Variants in KCND3 observed in about 807,000 individuals in gnomAD.
KCND3 encodes A-type voltage-gated potassium channel KCND3.
Under a neutral mutation model 51.1 loss-of-function variants are expected in KCND3, and 9 were observed. The observed-to-expected ratio is 0.18, with a 90% CI of 0.11 to 0.31. KCND3 has a LOEUF of 0.31. Among genes scored for constraint, KCND3 ranks in the 10% least tolerant of loss-of-function variants. The pLI, the probability that KCND3 is intolerant of heterozygous loss-of-function variation, is 1.00. For missense variants in KCND3, 526 were observed against 903.8 expected (o/e 0.58, Z 5.36); for synonymous variants, 349 against 368.0 (o/e 0.95, Z 0.59).
chr1:111,975,303 C>A (rs1009101719), intron 2 of KCND3, among the ~76,000 whole-genome samples: 1 of 152,278 alleles, frequency 6.6e-6, no homozygotes, highest in Admixed American at 6.5e-5. Context: ...AGCCATCCTG[C>A]GAGGCCTTGA....
chr1:111,800,732 GC>G (rs982872768), intron 2 of KCND3, among the ~76,000 whole-genome samples: 3 of 152,184 alleles, frequency 2.0e-5, no homozygotes, highest in African/African-American at 4.8e-5. Context: ...GAAGCCACTT[GC>G]CCCCTGCCTA....
At chr1:111,898,192 G>A (rs973629713) in intron 2 of KCND3, among the ~76,000 whole-genome samples, 2 of 151,988 alleles carry the variant, frequency 1.3e-5, no homozygotes, top group Admixed American at 1.3e-4. Flanking sequence ...CACCTGGAAT[G>A]CTTAGAGAGT....
At chr1:111,790,408 C>G (rs1201346418) in intron 2 of KCND3, among the ~76,000 whole-genome samples, 3 of 152,188 alleles carry the variant, frequency 2.0e-5, no homozygotes, top group Non-Finnish European at 4.4e-5. Context: ...CCAATAGGAA[C>G]TGTGTCCCTC....
chr1:111,815,704 T>C (rs772948303), intron 2 of KCND3, among the ~76,000 whole-genome samples: 1 of 151,962 alleles, frequency 6.6e-6, no homozygotes, highest in Non-Finnish European at 1.5e-5. Flanking sequence ...CCCAGTTCTA[T>C]ATTGAAGTCT....
chr1:111,821,482 T>C (rs1666345692), intron 2 of KCND3, among the ~76,000 whole-genome samples: 1 of 152,164 alleles, frequency 6.6e-6, no homozygotes, highest in African/African-American at 2.4e-5. Context: ...GCTGGGTCTA[T>C]GGTGGTGCTG....
At chr1:111,887,280 T>C (rs776177342) in intron 2 of KCND3, among the ~76,000 whole-genome samples, 1 of 152,172 alleles carries the variant, frequency 6.6e-6, no homozygotes, top group Non-Finnish European at 1.5e-5. Context: ...ACATATCTCA[T>C]TTAAGTAATC....
chr1:111,896,530 A>C (rs1011020096), intron 2 of KCND3, among the ~76,000 whole-genome samples: 1 of 152,230 alleles, frequency 6.6e-6, no homozygotes, highest in Non-Finnish European at 1.5e-5. Flanking sequence ...TGGACCCAAC[A>C]GAACTGGGCT....
intron 2 of KCND3, among the ~76,000 whole-genome samples, chr1:111,921,291 T>C (rs938202352): frequency 1.8e-4 from 27 of 152,314 alleles, no homozygotes; most frequent in African/African-American, 6.5e-4. Flanking sequence ...TTTACAGCCG[T>C]ACAGCATAAG....
intron 2 of KCND3, 150 bp from the exon 3 acceptor site, chr1:111,787,256 C>A (rs1664646965): frequency 2.4e-6 from 2 of 832,906 alleles, no homozygotes; most frequent in Admixed American, 2.0e-5. Flanking sequence ...GTGACATGGA[C>A]CTGGGGGTGA....
intron 2 of KCND3, among the ~76,000 whole-genome samples, chr1:111,960,866 G>A (rs1306012524): frequency 6.6e-6 from 1 of 152,172 alleles, no homozygotes; most frequent in Non-Finnish European, 1.5e-5. Context: ...TCAGGAGACC[G>A]AGGGAGGCCT....
intron 2 of KCND3, among the ~76,000 whole-genome samples, chr1:111,898,089 G>A (rs1372655797): frequency 1.3e-5 from 2 of 152,108 alleles, no homozygotes; most frequent in Non-Finnish European, 2.9e-5. Flanking sequence ...ATGACCCTAC[G>A]CATGGTCCTT....
intron 2 of KCND3, among the ~76,000 whole-genome samples, chr1:111,837,445 T>C (rs1183860502): frequency 6.6e-6 from 1 of 152,224 alleles, no homozygotes; most frequent in Non-Finnish European, 1.5e-5. Flanking sequence ...CATGGCTCTA[T>C]GAGGTAGCTA....
intron 2 of KCND3, among the ~76,000 whole-genome samples, chr1:111,949,935 G>A (rs1025899990): frequency 1.3e-4 from 20 of 152,328 alleles, no homozygotes; most frequent in African/African-American, 4.6e-4. Context: ...TTTTGAGACA[G>A]AGCCTCACTC....
chr1:111,925,146 G>C (rs1458399117), intron 2 of KCND3, among the ~76,000 whole-genome samples: 1 of 152,238 alleles, frequency 6.6e-6, no homozygotes, highest in African/African-American at 2.4e-5. Context: ...CCCACACCTA[G>C]GCTGCCCATG....
chr1:111,794,214 G>C lies in KCND3; in HGVS notation c.1107-7108C>G, dbSNP rs114227044. Among the ~76,000 whole-genome samples, 718 of 152,328 alleles carry C rather than the reference G, an allele frequency of 4.7e-3. 12 individuals carry two copies. Among genetic ancestry groups the C allele is most frequent in the African/African-American group, 0.017 (696 of 41,578 alleles). The stretch of plus-strand genomic sequence containing the variant: ...GCTAATTAATTTGTATTAGGGCTTA[G>C]GGATAATTAAACTTTTTATCTGAAC... On this transcript the variant is annotated intron_variant, in intron 2 of 7. Transcript: ENST00000302127.
chr1:111,946,639 AT>A (rs1672792165), intron 2 of KCND3, among the ~76,000 whole-genome samples: 1 of 152,176 alleles, frequency 6.6e-6, no homozygotes, highest in African/African-American at 2.4e-5. Flanking sequence ...AGAATACCAC[AT>A]TCTCCTTTTA....
intron 2 of KCND3, among the ~76,000 whole-genome samples, chr1:111,802,992 C>G (rs1282437934): frequency 2.0e-5 from 3 of 152,240 alleles, no homozygotes; most frequent in Non-Finnish European, 4.4e-5. Context: ...GCTCACCTGA[C>G]TCCCTGAGGC....
At position 111,780,689 on chromosome 1, in the gene KCND3, C is replaced by T. The variant is rs1397833920; in HGVS notation, c.1371+1G>A. 6.2e-7 allele frequency: 1 copy of T among 1,606,966 alleles called. No homozygotes were observed. Among genetic ancestry groups the T allele is most frequent in the Non-Finnish European group, 8.5e-7 (1 of 1,176,582 alleles). ...CTAGCCCAGGTCCTCTAGGCACCTA[C>T]CGTCAGCTCCAGCGCCTCGTTGAGG... On this transcript the variant is annotated splice_donor_variant, in intron 4 of 7. Coordinates refer to ENST00000302127, the MANE Select transcript of KCND3 (RefSeq NM_001378969.1). LOFTEE classifies it high-confidence loss of function. The surrounding 1 kb of genome is among the most constrained non-coding windows in gnomAD (Gnocchi z 4.2).
At chr1:111,855,802 C>T (rs1205130528) in intron 2 of KCND3, among the ~76,000 whole-genome samples, 1 of 152,068 alleles carries the variant, frequency 6.6e-6, no homozygotes, top group Non-Finnish European at 1.5e-5. Flanking sequence ...ACAGAAACCA[C>T]GAGGGATGGC....
Sources: gnomAD v4.1 joint callset for allele counts (sites outside exome capture counted in the v4.1 genomes callset) on GRCh38, gnomAD v4.1.1 for gene constraint, Gnocchi (gnomAD v3.1) non-coding constraint, MANE v1.5 for transcripts, NCBI Gene and HGNC (gene_info 2026-07-23, HGNC 2026-07-21) for gene names.